Variants in FAM110B observed in about 807,000 individuals in gnomAD.
FAM110B encodes family with sequence similarity 110 member B.
Under a neutral mutation model 20.4 loss-of-function variants are expected in FAM110B, and 6 were observed. The ratio of observed to expected loss-of-function variants is 0.29; its 90% CI spans 0.16 to 0.58. The LOEUF (loss-of-function observed/expected upper bound fraction) is 0.58, where lower values mean the gene tolerates loss of function less well. Ranked by LOEUF, FAM110B falls within the 20% of genes least tolerant of loss-of-function variation. The probability of loss-of-function intolerance (pLI) is 0.90; values close to 1 mark genes in which losing one functional copy is unlikely to be tolerated. For synonymous variants in FAM110B, 226 were observed against 214.1 expected (o/e 1.06, Z -0.49); for missense variants, 434 against 498.2 (o/e 0.87, Z 1.23).
intron 3 of FAM110B, 70 bp from the exon 4 acceptor site, chr8:58,145,837 G>A (rs911902829): frequency 6.2e-6 from 1 of 160,926 alleles, no homozygotes; most frequent in African/African-American, 2.4e-5. Context: ...GCGCTGCGGG[G>A]TTTCTCTGTT....
rs115650808 is a variant in FAM110B, at chr8:58,093,529, G to A, written c.-325+17906G>A. ...GAATATTTCTCCATTGCTTATTTTT[G>A]TCAGGCTTGCCAAAAATCAGATGGC... On this transcript the variant is annotated intron_variant, in intron 3 of 3. Coordinates refer to ENST00000519262, the MANE Select transcript of FAM110B (RefSeq NM_001377989.1). Among the ~76,000 whole-genome samples the A allele has an allele frequency of 4.4e-3, 669 of 152,162 alleles. 4 individuals carry two copies. Among genetic ancestry groups the A allele is most frequent in the African/African-American group, 0.015 (621 of 41,530 alleles).
chr8:58,098,622 C>T (rs1306293493), intron 3 of FAM110B, among the ~76,000 whole-genome samples: 1 of 152,198 alleles, frequency 6.6e-6, no homozygotes, highest in Non-Finnish European at 1.5e-5. Context: ...AGCTCGATGT[C>T]TGCCCAAACG....
At chr8:58,112,865 G>T (rs1807097240) in intron 3 of FAM110B, among the ~76,000 whole-genome samples, 1 of 152,222 alleles carries the variant, frequency 6.6e-6, no homozygotes, top group South Asian at 2.1e-4. Context: ...CTTAAGGGCT[G>T]CTGTAACAAA....
At chr8:58,037,468 C>T (rs747252482) in intron 2 of FAM110B, among the ~76,000 whole-genome samples, 14 of 148,844 alleles carry the variant, frequency 9.4e-5, no homozygotes, top group Non-Finnish European at 1.8e-4. Flanking sequence ...GACTCAGTCT[C>T]CACAAAAAAA....
chr8:58,073,746 C>T (rs973070335), intron 2 of FAM110B, among the ~76,000 whole-genome samples: 1 of 152,218 alleles, frequency 6.6e-6, no homozygotes, highest in African/African-American at 2.4e-5. Context: ...TGCATGTAGA[C>T]TCCTGAAAGT....
At chr8:58,087,432 G>A (rs369220099) in intron 3 of FAM110B, among the ~76,000 whole-genome samples, 11 of 152,206 alleles carry the variant, frequency 7.2e-5, no homozygotes, top group African/African-American at 2.2e-4. Flanking sequence ...TCAGCGGCCT[G>A]GAGGGGTGGA....
intron 2 of FAM110B, among the ~76,000 whole-genome samples, chr8:58,064,849 A>G (rs997937415): frequency 1.2e-4 from 18 of 152,236 alleles, no homozygotes; most frequent in African/African-American, 4.3e-4. Context: ...TAAATGGCAT[A>G]GAAGGAGAGA....
intron 3 of FAM110B, among the ~76,000 whole-genome samples, chr8:58,123,743 C>T (rs900866756): frequency 2.0e-5 from 3 of 152,120 alleles, no homozygotes; most frequent in Admixed American, 6.5e-5. Context: ...CATGACTTCT[C>T]CTTTATAAAT....
At chr8:58,021,524 T>A (rs1190248094) in intron 1 of FAM110B, among the ~76,000 whole-genome samples, 4 of 152,170 alleles carry the variant, frequency 2.6e-5, no homozygotes, top group African/African-American at 9.6e-5. Context: ...TTAAATGTAA[T>A]TATTTACTGT....
intron 1 of FAM110B, among the ~76,000 whole-genome samples, chr8:58,001,454 T>C (rs1345252428): frequency 6.6e-6 from 1 of 152,198 alleles, no homozygotes; most frequent in African/African-American, 2.4e-5. Flanking sequence ...TAGAAGTGGC[T>C]CTGCCCTTGC....
chr8:58,042,362 T>A (rs551386332), intron 2 of FAM110B, among the ~76,000 whole-genome samples: 31 of 152,380 alleles, frequency 2.0e-4, no homozygotes, highest in Non-Finnish European at 4.3e-4. Context: ...GAGTGCAATG[T>A]CAGCATCATG....
intron 1 of FAM110B, among the ~76,000 whole-genome samples, chr8:57,995,107 A>G (rs1398888565): frequency 2.0e-5 from 3 of 152,040 alleles, no homozygotes; most frequent in African/African-American, 7.2e-5. Flanking sequence ...GGGCTCGGCT[A>G]GGAGGCTGGG....
At chr8:58,123,234 A>C (rs1161678027) in intron 3 of FAM110B, among the ~76,000 whole-genome samples, 3 of 152,052 alleles carry the variant, frequency 2.0e-5, no homozygotes, top group Non-Finnish European at 4.4e-5. Flanking sequence ...GGAGCCCACT[A>C]CTGCTCTATT....
chr8:58,092,929 G>A (rs1367351825), intron 3 of FAM110B, among the ~76,000 whole-genome samples: 3 of 152,204 alleles, frequency 2.0e-5, no homozygotes, highest in Middle Eastern at 3.4e-3. Flanking sequence ...ATTTTTAAAT[G>A]ATCGCCATTC....
intron 2 of FAM110B, among the ~76,000 whole-genome samples, chr8:58,035,863 C>T (rs1053683503): frequency 3.9e-5 from 6 of 152,072 alleles, no homozygotes; most frequent in East Asian, 1.9e-4. Flanking sequence ...CTCTTGTTTC[C>T]TTCTGCCCTC....
chr8:58,039,896 A>T (rs1014173211), intron 2 of FAM110B, among the ~76,000 whole-genome samples: 2 of 152,210 alleles, frequency 1.3e-5, no homozygotes, highest in African/African-American at 4.8e-5. Context: ...AGCTGGGACT[A>T]CAGGCATATG....
chr8:58,090,902 C>T (rs1375033800), intron 3 of FAM110B, among the ~76,000 whole-genome samples: 1 of 152,160 alleles, frequency 6.6e-6, no homozygotes, highest in African/African-American at 2.4e-5. Context: ...ATGAGCAATA[C>T]TAGTAACATT....
chr8:58,019,839 T>G (rs1315484162), intron 1 of FAM110B, among the ~76,000 whole-genome samples: 1 of 152,210 alleles, frequency 6.6e-6, no homozygotes, highest in Non-Finnish European at 1.5e-5. Context: ...TCTTTGTATT[T>G]GCTTTGAGTT....
At chr8:58,073,258 A>G (rs1196322268) in intron 2 of FAM110B, among the ~76,000 whole-genome samples, 1 of 152,196 alleles carries the variant, frequency 6.6e-6, no homozygotes, top group African/African-American at 2.4e-5. Context: ...ATTAATAATA[A>G]TAGGGCTGCA....
Sources: allele counts gnomAD v4.1 joint callset (sites outside exome capture counted in the v4.1 genomes callset), GRCh38; gene constraint gnomAD v4.1.1; transcripts MANE v1.5; gene names NCBI Gene and HGNC (gene_info 2026-07-23, HGNC 2026-07-21).